Variants in HCN1 observed in about 807,000 individuals in gnomAD.
HCN1 encodes hyperpolarization activated cyclic nucleotide gated potassium channel 1.
In HCN1, 13 loss-of-function variants were observed where a neutral mutation model predicts 78.9. That is an observed-to-expected ratio of 0.16 (90% confidence interval 0.11 to 0.26). The LOEUF (loss-of-function observed/expected upper bound fraction) is 0.26. Ranked by LOEUF, HCN1 falls within the 10% of genes least tolerant of loss-of-function variation. HCN1 has a pLI of 1.00. For synonymous variants in HCN1, 552 were observed against 455.5 expected (o/e 1.21, Z -2.70); for missense variants, 810 against 1,154.3 (o/e 0.70, Z 4.32).
intron 6 of HCN1, among the ~76,000 whole-genome samples, chr5:45,295,661 C>T (rs1388988611): frequency 1.3e-5 from 2 of 151,988 alleles, no homozygotes; most frequent in East Asian, 3.9e-4. Context: ...CCTTAGCTTA[C>T]TATTCTGCCC....
intron 2 of HCN1, among the ~76,000 whole-genome samples, chr5:45,536,242 G>A (rs1742967482): frequency 6.6e-6 from 1 of 151,950 alleles, no homozygotes; most frequent in South Asian, 2.1e-4. Flanking sequence ...GATGTCTTCT[G>A]GGAAGTTTTC....
intron 2 of HCN1, among the ~76,000 whole-genome samples, chr5:45,595,343 GTTTA>G (rs1294102572): frequency 6.6e-6 from 1 of 152,088 alleles, no homozygotes; most frequent in Non-Finnish European, 1.5e-5. Flanking sequence ...CAAACACCCT[GTTTA>G]TTTATTTAAA....
chr5:45,401,170 G>T (rs990649508), intron 3 of HCN1, among the ~76,000 whole-genome samples: 3 of 152,106 alleles, frequency 2.0e-5, no homozygotes, highest in South Asian at 2.1e-4. Flanking sequence ...AAAATATATT[G>T]CCAGATTGAT....
At chr5:45,593,665 T>TATTATC (rs1306079238) in intron 2 of HCN1, among the ~76,000 whole-genome samples, 2 of 150,086 alleles carry the variant, frequency 1.3e-5, no homozygotes, top group East Asian at 1.9e-4. Flanking sequence ...TTATTATTAT[T>TATTATC]ATTGAATTTT....
intron 1 of HCN1, among the ~76,000 whole-genome samples, chr5:45,654,032 T>C (rs1420265052): frequency 6.6e-6 from 1 of 152,144 alleles, no homozygotes; most frequent in Non-Finnish European, 1.5e-5. Flanking sequence ...TGCACGTTTT[T>C]AATAAACTAT....
intron 4 of HCN1, among the ~76,000 whole-genome samples, chr5:45,356,941 T>G (rs1335676163): frequency 6.6e-6 from 1 of 152,088 alleles, no homozygotes; most frequent in Non-Finnish European, 1.5e-5. Flanking sequence ...TGCTCATCAG[T>G]AGATTAACAA....
At chr5:45,419,694 A>G (rs1740188298) in intron 3 of HCN1, among the ~76,000 whole-genome samples, 2 of 152,316 alleles carry the variant, frequency 1.3e-5, no homozygotes, top group South Asian at 4.1e-4. Context: ...AAATGTGACC[A>G]GTACTGGGGC....
intron 1 of HCN1, among the ~76,000 whole-genome samples, chr5:45,692,387 A>C (rs191078330): frequency 3.3e-5 from 5 of 152,334 alleles, no homozygotes; most frequent in Admixed American, 1.3e-4. Context: ...AAATTCAATA[A>C]GACTAAGACC....
At chr5:45,307,916 A>T (rs563074678) in intron 5 of HCN1, among the ~76,000 whole-genome samples, 2 of 152,126 alleles carry the variant, frequency 1.3e-5, no homozygotes, top group Admixed American at 1.3e-4. Flanking sequence ...GGAATTCTCC[A>T]TACTATTTCT....
intron 4 of HCN1, among the ~76,000 whole-genome samples, chr5:45,392,884 T>C (rs138195365): frequency 2.6e-4 from 40 of 152,284 alleles, no homozygotes; most frequent in Admixed American, 1.2e-3. Flanking sequence ...TTATTTCATA[T>C]ACTCGATAAA....
chr5:45,506,895 T>C (rs1239324910), intron 2 of HCN1, among the ~76,000 whole-genome samples: 1 of 152,176 alleles, frequency 6.6e-6, no homozygotes, highest in Non-Finnish European at 1.5e-5. Context: ...AAAAATGTTA[T>C]GCATTTAGTG....
intron 2 of HCN1, among the ~76,000 whole-genome samples, chr5:45,605,682 TTA>T (rs1170958444): frequency 6.6e-6 from 1 of 151,986 alleles, no homozygotes; most frequent in African/African-American, 2.4e-5. Flanking sequence ...TTAACAGTTG[TTA>T]TCTGGTGAAT....
At chr5:45,624,090 G>A (rs1178967168) in intron 2 of HCN1, among the ~76,000 whole-genome samples, 1 of 152,158 alleles carries the variant, frequency 6.6e-6, no homozygotes, top group African/African-American at 2.4e-5. Flanking sequence ...TACAAGGTGA[G>A]GTCATAGAGG....
intron 2 of HCN1, among the ~76,000 whole-genome samples, chr5:45,485,189 T>A (rs1741731434): frequency 6.6e-6 from 1 of 152,222 alleles, no homozygotes; most frequent in Admixed American, 6.5e-5. Context: ...TGGTTTGTAT[T>A]ATAATGTAGG....
At chr5:45,392,719 C>G (rs897478739) in intron 4 of HCN1, among the ~76,000 whole-genome samples, 2 of 150,462 alleles carry the variant, frequency 1.3e-5, no homozygotes, top group Non-Finnish European at 3.0e-5. Context: ...TCGGGAGGTG[C>G]AGATTACAGT....
At chr5:45,352,801 G>T (rs2111982672) in intron 5 of HCN1, among the ~76,000 whole-genome samples, 1 of 152,054 alleles carries the variant, frequency 6.6e-6, no homozygotes, top group African/African-American at 2.4e-5. Flanking sequence ...GAATCAGTTT[G>T]ATAAGAATGA....
At chr5:45,278,971 G>A (rs879517545) in intron 6 of HCN1, among the ~76,000 whole-genome samples, 1 of 152,004 alleles carries the variant, frequency 6.6e-6, no homozygotes, top group East Asian at 1.9e-4. Context: ...GGCTTACAAA[G>A]CCTAAATATT....
At chr5:45,315,284 G>A (rs527562572) in intron 5 of HCN1, among the ~76,000 whole-genome samples, 27 of 152,276 alleles carry the variant, frequency 1.8e-4, no homozygotes, top group African/African-American at 6.3e-4. Context: ...TCAACTACAT[G>A]GAAATGGAAC....
Position 45,255,990 on chromosome 5 carries a change from A to G in HCN1, c.*5931T>C, listed in dbSNP as rs1054121474. 1.3e-5 allele frequency: 2 copies of G among 152,186 alleles called. No homozygotes were observed. The highest frequency in any genetic ancestry group is 2.1e-4 in the South Asian group (1 of 4,830). 9.4% of individuals were successfully genotyped at this position (152,186 alleles called of 1,614,324 possible). A position where few individuals can be genotyped will look rare whatever the true frequency, so the allele number is the denominator to read the frequency against. On this transcript the variant is annotated 3_prime_UTR_variant, in exon 8 of 8. Transcript: ENST00000303230. Reference sequence around the variant, plus strand: ...AGTGGTCCTCTTTTGAAGAATTATTATATTTACTAATTTATTCAGATTTCT... The same window carrying G: ...AGTGGTCCTCTTTTGAAGAATTATTGTATTTACTAATTTATTCAGATTTCT...
Sources: gnomAD v4.1 joint callset for allele counts (sites outside exome capture counted in the v4.1 genomes callset) on GRCh38, gnomAD v4.1.1 for gene constraint, MANE v1.5 for transcripts, NCBI Gene and HGNC (gene_info 2026-07-23, HGNC 2026-07-21) for gene names.